The following KIF9 variants were observed in gnomAD, a reference collection of about 807,000 sequenced individuals.
KIF9 encodes kinesin family member 9, also known as kinesin-like protein KIF9.
Under a neutral mutation model 94.8 loss-of-function variants are expected in KIF9, and 68 were observed. The observed-to-expected ratio is 0.72, with a 90% CI of 0.59 to 0.88. KIF9 has a LOEUF of 0.88. Ranked by LOEUF, KIF9 falls within the 40% of genes least tolerant of loss-of-function variation. KIF9 has a pLI of 0.00. For synonymous variants in KIF9, 343 were observed against 362.1 expected, an observed-to-expected ratio of 0.95 and a Z score of 0.60; for missense variants, 882 against 982.5, an observed-to-expected ratio of 0.90 and a Z score of 1.37.
intron 2 of KIF9, among the ~76,000 whole-genome samples, chr3:47,276,613 A>G (rs1701991287): frequency 6.6e-6 from 1 of 152,104 alleles, no homozygotes; most frequent in Admixed American, 6.5e-5. Flanking sequence ...CTCACACATT[A>G]AATGCTCTGT....
intron 10 of KIF9, among the ~76,000 whole-genome samples, chr3:47,253,232 T>C (rs960851823): frequency 6.6e-6 from 1 of 152,080 alleles, no homozygotes; most frequent in African/African-American, 2.4e-5. Context: ...CTCCACTCAT[T>C]GCAACCACTG....
At position 47,240,893 on chromosome 3, in the gene KIF9, C is replaced by T. The variant is rs909664219; in HGVS notation, c.1832G>A (p.Ser611Asn). The change falls in exon 17 of 21, where the codon AGC becomes AAC. Residue 611 changes from serine (S) to asparagine (N), a missense_variant. By Grantham distance (46) the Ser-to-Asn change is conservative. Coordinates refer to ENST00000684063, the MANE Select transcript of KIF9 (RefSeq NM_182902.4). ...SILNERRKRA[S>N]ETTQHINAIK... The stretch of plus-strand genomic sequence containing the variant: ...GGCATTGATGTGCTGTGTGGTCTCG[C>T]TGGCCCTTTTCCTCCGTTCATTCAA... 2 of 1,614,196 alleles carry T rather than the reference C, an allele frequency of 1.2e-6. No homozygotes were observed. The highest frequency in any genetic ancestry group is 1.7e-6 in the Non-Finnish European group (2 of 1,180,034).
At chr3:47,254,899 G>A (rs1700478666) in intron 10 of KIF9, among the ~76,000 whole-genome samples, 1 of 152,206 alleles carries the variant, frequency 6.6e-6, no homozygotes, top group Non-Finnish European at 1.5e-5. Flanking sequence ...CAGAAACTCT[G>A]GGAATGGATC....
intron 1 of KIF9, 105 bp from the exon 2 acceptor site, chr3:47,277,484 A>T: frequency 1.3e-6 from 1 of 753,500 alleles, no homozygotes; most frequent in Non-Finnish European, 2.2e-6. Context: ...CGAGCAGTCC[A>T]TTTTTCCCTC....
At position 47,246,186 on chromosome 3, in the gene KIF9, G is replaced by A. The variant is rs1219464982; in HGVS notation, c.1289+11C>T. Reference sequence around the variant, plus strand: ...TGATGTAGGAATGAGGTAGGGGTGGGGGTCTCTCACCTCAGAACCACCCGG... The same window carrying A: ...TGATGTAGGAATGAGGTAGGGGTGGAGGTCTCTCACCTCAGAACCACCCGG... On this transcript the variant is annotated intron_variant, in intron 13 of 20. Coordinates refer to ENST00000684063, the MANE Select transcript of KIF9 (RefSeq NM_182902.4). 6.2e-7 allele frequency: 1 copy of A among 1,611,104 alleles called. No individual in the cohort carries two copies. Among genetic ancestry groups the A allele is most frequent in the African/African-American group, 1.3e-5 (1 of 74,822 alleles).
chr3:47,255,158 T>C (rs565062827), intron 10 of KIF9, among the ~76,000 whole-genome samples: 2 of 152,288 alleles, frequency 1.3e-5, no homozygotes, highest in East Asian at 3.9e-4. Context: ...AAAGCCAAAT[T>C]AACAATAAAT....
At chr3:47,255,348 T>C (rs9829440) in intron 10 of KIF9, among the ~76,000 whole-genome samples, 1 of 152,216 alleles carries the variant, frequency 6.6e-6, no homozygotes, top group East Asian at 1.9e-4. Flanking sequence ...TTTTAATTTG[T>C]ATTTCCCTTG....
At chr3:47,240,510 G>A (rs1001730734) in intron 17 of KIF9, among the ~76,000 whole-genome samples, 1 of 152,110 alleles carries the variant, frequency 6.6e-6, no homozygotes, top group Non-Finnish European at 1.5e-5. Flanking sequence ...GCAGGACAAA[G>A]GGCCTGTTTC....
chr3:47,236,706 C>T, intron 17 of KIF9, 87 bp from the exon 18 acceptor site: 1 of 1,238,238 alleles, frequency 8.1e-7, no homozygotes, highest in Non-Finnish European at 1.2e-6. Context: ...GGGCACAGAG[C>T]TGGCAAATCA....
At chr3:47,273,792 G>A (rs1298408567) in intron 3 of KIF9, 134 bp from the exon 4 acceptor site, 1 of 755,586 alleles carries the variant, frequency 1.3e-6, no homozygotes, top group Non-Finnish European at 2.3e-6. Flanking sequence ...AGAACATCAG[G>A]AATTCCACCA....
chr3:47,271,886 C>T (rs569277359), intron 4 of KIF9, among the ~76,000 whole-genome samples: 7 of 152,224 alleles, frequency 4.6e-5, no homozygotes, highest in South Asian at 2.1e-4. Context: ...CTTTGGAAGG[C>T]GGAGGTGGGC....
At chr3:47,268,438 C>T (rs1434648510) in intron 5 of KIF9, among the ~76,000 whole-genome samples, 1 of 152,116 alleles carries the variant, frequency 6.6e-6, no homozygotes, top group Non-Finnish European at 1.5e-5. Context: ...AGAGGGAAGG[C>T]CTGAGGCTGT....
intron 15 of KIF9, chr3:47,243,791 T>G (rs1699741608): frequency 6.6e-6 from 1 of 152,350 alleles, no homozygotes; most frequent in Non-Finnish European, 1.5e-5. Flanking sequence ...GAGGCAGATC[T>G]GAGGACCGAA....
Position 47,273,676 on chromosome 3 carries a change from CA to C in KIF9, c.260-19del. 6.2e-7 allele frequency: 1 copy of C among 1,602,486 alleles called. No individual in the cohort carries two copies. The highest frequency in any genetic ancestry group is 1.1e-5 in the South Asian group (1 of 90,156). ...GATGGTGCCTGCAAACATTTCAAAA[CA>C]CGGTGACATCCAGGAAAATAGCTCC... is the stretch of plus-strand genomic sequence containing the variant. On this transcript the variant is annotated intron_variant, in intron 3 of 20. Coordinates refer to ENST00000684063, the MANE Select transcript of KIF9 (RefSeq NM_182902.4).
chr3:47,228,773 C>T lies in KIF9; in HGVS notation c.2323-71G>A. 3.5e-6 allele frequency: 4 copies of T among 1,155,394 alleles called. No individual in the cohort carries two copies. In the South Asian group the frequency reaches 4.9e-5, roughly 14 times the overall value. 71.6% of individuals were successfully genotyped at this position (1,155,394 alleles called of 1,614,324 possible). The stretch of plus-strand genomic sequence containing the variant: ...GACATAGCAGGGACTCAGACCAGGC[C>T]ACTCACATTCACCCTATCATTCCTC... On this transcript the variant is annotated intron_variant, in intron 20 of 20. Coordinates refer to ENST00000684063, the MANE Select transcript of KIF9 (RefSeq NM_182902.4).
At chr3:47,254,566 G>A (rs1253959628) in intron 10 of KIF9, among the ~76,000 whole-genome samples, 1 of 152,188 alleles carries the variant, frequency 6.6e-6, no homozygotes, top group African/African-American at 2.4e-5. Flanking sequence ...AGCAGAGATC[G>A]TGCCACTACA....
intron 20 of KIF9, among the ~76,000 whole-genome samples, chr3:47,232,398 C>T (rs549614617): frequency 6.6e-6 from 1 of 152,028 alleles, no homozygotes; most frequent in African/African-American, 2.4e-5. Context: ...AATTCTCCTG[C>T]CTCAGCCTCC....
chr3:47,271,432 T>C lies in KIF9; in HGVS notation c.396A>G (p.Thr132=), dbSNP rs148583373. ...QVFRMIEERP[T]HAITVRVSYL... is the part of the protein sequence containing the mutation. ...AGGAAACACGCACAGTGATGGCATG[T>C]GTGGGGCGTTCTTCGATCATCCTAA... is the stretch of plus-strand genomic sequence containing the variant. The change falls in exon 5 of 21, where the codon ACA becomes ACG. Residue 132 remains threonine (T), a synonymous_variant. Transcript: ENST00000684063. The C allele has an allele frequency of 1.2e-6, 2 of 1,613,938 alleles. No homozygotes were observed. Among genetic ancestry groups the C allele is most frequent in the Non-Finnish European group, 1.7e-6 (2 of 1,179,996 alleles).
intron 15 of KIF9, chr3:47,244,216 C>G (rs1220999772): frequency 6.6e-6 from 1 of 152,460 alleles, no homozygotes; most frequent in Non-Finnish European, 1.5e-5. Context: ...AAGTGCAGAG[C>G]AGGGAAGGGA....
Sources: allele counts gnomAD v4.1 joint callset (sites outside exome capture counted in the v4.1 genomes callset), GRCh38; gene constraint gnomAD v4.1.1; transcripts MANE v1.5; gene names NCBI Gene and HGNC (gene_info 2026-07-23, HGNC 2026-07-21).